The following APAF1 variants were observed in gnomAD, a reference collection of about 807,000 sequenced individuals.
APAF1 encodes the protein apoptotic protease-activating factor 1.
A neutral mutation model predicts 152.4 loss-of-function variants in APAF1; 91 were observed. The ratio of observed to expected loss-of-function variants is 0.60; its 90% CI spans 0.50 to 0.71. The LOEUF (loss-of-function observed/expected upper bound fraction) is 0.71. Ranked by LOEUF, APAF1 falls within the 30% of genes least tolerant of loss-of-function variation. The pLI is 0.00. For synonymous variants in APAF1, 484 were observed against 494.1 expected, an observed-to-expected ratio of 0.98 and a Z score of 0.27; for missense variants, 1,283 against 1,472.0, an observed-to-expected ratio of 0.87 and a Z score of 2.10.
intron 4 of APAF1, 122 bp from the exon 5 acceptor site, chr12:98,659,038 C>A: frequency 1.1e-6 from 1 of 949,556 alleles, no homozygotes; most frequent in East Asian, 2.4e-5. Flanking sequence ...TACTCTAAAT[C>A]AAGAGAAGTT....
intron 4 of APAF1, among the ~76,000 whole-genome samples, chr12:98,656,237 A>G (rs1007603816): frequency 1.3e-5 from 2 of 152,176 alleles, no homozygotes; most frequent in African/African-American, 2.4e-5. Flanking sequence ...ATCTTATCCT[A>G]GAGATAATCT....
intron 16 of APAF1, among the ~76,000 whole-genome samples, chr12:98,697,208 C>T (rs2097710872): frequency 6.6e-6 from 1 of 152,086 alleles, no homozygotes; most frequent in South Asian, 2.1e-4. Flanking sequence ...ATAGGCTAAT[C>T]TCAGGGAGTA....
intron 16 of APAF1, among the ~76,000 whole-genome samples, chr12:98,695,571 C>A (rs2097709005): frequency 6.6e-6 from 1 of 152,146 alleles, no homozygotes; most frequent in Admixed American, 6.5e-5. Context: ...ATGACTCTGG[C>A]CAGTTCTGAG....
intron 16 of APAF1, among the ~76,000 whole-genome samples, chr12:98,688,717 A>T (rs2288728): frequency 0.084 from 12,670 of 150,302 alleles, 713 homozygotes; most frequent in East Asian, 0.25. Context: ...GGCTCAAGCA[A>T]TCCCAGTGCT....
At chr12:98,658,018 C>G (rs1012304711) in intron 4 of APAF1, among the ~76,000 whole-genome samples, 2 of 152,078 alleles carry the variant, frequency 1.3e-5, no homozygotes, top group Admixed American at 1.3e-4. Context: ...TTTGTGAATA[C>G]CAGTAAATAA....
intron 4 of APAF1, among the ~76,000 whole-genome samples, chr12:98,655,152 TCACA>T: frequency 8.8e-6 from 1 of 114,190 alleles, no homozygotes; most frequent in Middle Eastern, 3.9e-3. Flanking sequence ...GGGGGTAAGG[TCACA>T]GATCAACAGG....
Position 98,662,700 on chromosome 12 carries a change from G to A in APAF1, c.849G>A (p.Glu283=). 1 of 1,613,176 alleles carries A rather than the reference G, an allele frequency of 6.2e-7. No homozygotes were observed. The highest frequency in any genetic ancestry group is 8.5e-7 in the Non-Finnish European group (1 of 1,179,628). ...VMGPKYVVPV[E]SSLGKEKGLE... ...GTCCTAAATATGTAGTCCCTGTGGA[G>A]AGTTCCTTAGGAAAGGAAAAAGGAC... is the stretch of plus-strand genomic sequence containing the variant. The change falls in exon 7 of 27, where the codon GAG becomes GAA. Residue 283 remains glutamate, a synonymous_variant. Transcript: ENST00000551964.
intron 10 of APAF1, among the ~76,000 whole-genome samples, chr12:98,669,395 C>A (rs142044358): frequency 4.8e-4 from 73 of 152,092 alleles, no homozygotes; most frequent in Non-Finnish European, 8.4e-4. Flanking sequence ...CAGAAAAAAA[C>A]GATGAAAAGG....
intron 14 of APAF1, among the ~76,000 whole-genome samples, chr12:98,682,553 G>A (rs2153324808): frequency 6.6e-6 from 1 of 152,290 alleles, no homozygotes; most frequent in East Asian, 1.9e-4. Flanking sequence ...GTTGAAAGCT[G>A]GGTTTCTCTC....
intron 16 of APAF1, among the ~76,000 whole-genome samples, chr12:98,695,399 C>T (rs1242381132): frequency 6.7e-6 from 1 of 148,972 alleles, no homozygotes; most frequent in Non-Finnish European, 1.5e-5. Context: ...CTCTGTCACA[C>T]AGGCTGGAGT....
At chr12:98,671,760 A>G in intron 12 of APAF1, 41 bp downstream of exon 12, 1 of 1,576,158 alleles carries the variant, frequency 6.3e-7, no homozygotes, top group South Asian at 1.1e-5. Flanking sequence ...GTGGTGCGCT[A>G]ACTATATCAT....
intron 12 of APAF1, among the ~76,000 whole-genome samples, chr12:98,676,805 C>G (rs942322866): frequency 6.6e-6 from 1 of 152,136 alleles, no homozygotes; most frequent in Admixed American, 6.5e-5. Context: ...TGCCACCACA[C>G]CCAGCTAATT....
In APAF1 at chr12:98,667,628, G is replaced by A. The variant is rs1349490636; in HGVS notation, c.1478G>A (p.Ser493Asn). 6 of 1,613,728 alleles carry A rather than the reference G, an allele frequency of 3.7e-6. No individual in the cohort carries two copies. The East Asian group carries it at 1.3e-4, about 36-fold the overall frequency. Residue 493 changes from serine (S) to asparagine (N), a missense_variant, in exon 10 of 27, where the codon AGT becomes AAT. Coordinates refer to ENST00000551964, the MANE Select transcript of APAF1 (RefSeq NM_181861.2). ...WYNFLAYHMASAKMHKELCAL... is the reference protein window; with the variant it reads ...WYNFLAYHMANAKMHKELCAL... ...AACTTTCTGGCCTATCACATGGCCAGTGCCAAGATGCACAAGGTAAGATGA... is the reference window on the plus strand; with the variant it reads ...AACTTTCTGGCCTATCACATGGCCAATGCCAAGATGCACAAGGTAAGATGA...
intron 24 of APAF1, among the ~76,000 whole-genome samples, 153 bp from the exon 25 acceptor site, chr12:98,725,262 G>A (rs1312066365): frequency 3.9e-5 from 6 of 152,196 alleles, no homozygotes; most frequent in Admixed American, 1.3e-4. Context: ...AATTAACAAG[G>A]TTGCATGCTG....
chr12:98,666,595 G>A (rs2097673058), intron 9 of APAF1, among the ~76,000 whole-genome samples: 1 of 152,068 alleles, frequency 6.6e-6, no homozygotes, highest in Non-Finnish European at 1.5e-5. Context: ...TTAGGATCCC[G>A]TATTGCATAT....
rs570521793 is a variant in APAF1 at position 98,714,375 on chromosome 12, C to G, written c.2959-1052C>G. 3.3e-5 allele frequency among the ~76,000 whole-genome samples: 5 copies of G among 152,348 alleles called. No homozygotes were observed. In the East Asian group the frequency reaches 9.6e-4, roughly 29 times the overall value. ...GTGGCAGTTTCATATGGTGTAGCCT[C>G]ATATCATCAAATAATAGCAACTACC... On this transcript the variant is annotated intron_variant, in intron 21 of 26. Transcript: ENST00000551964.
intron 16 of APAF1, among the ~76,000 whole-genome samples, chr12:98,697,266 C>G (rs1044452837): frequency 1.3e-5 from 2 of 152,162 alleles, no homozygotes; most frequent in East Asian, 3.8e-4. Flanking sequence ...AAGCCCTCAG[C>G]TTGAATATAG....
At chr12:98,691,045 A>G (rs1249420027) in intron 16 of APAF1, among the ~76,000 whole-genome samples, 3 of 152,112 alleles carry the variant, frequency 2.0e-5, no homozygotes, top group Non-Finnish European at 4.4e-5. Flanking sequence ...CGTCTCTACT[A>G]AAAATACAAA....
chr12:98,732,563 A>G lies in APAF1; in HGVS notation c.3744A>G (p.Glu1248=), dbSNP rs751718621. ...LGILYILQTL[E] ...TTTTATATATTTTACAGACTTTAGA[A>G]TAAAATAGTTAAGCATTAATGTAGT... is the stretch of plus-strand genomic sequence containing the variant. The change falls in exon 27 of 27, where the codon GAA becomes GAG. Residue 1248 remains glutamate, a synonymous_variant. Transcript: ENST00000551964. 1.3e-6 allele frequency: 2 copies of G among 1,555,420 alleles called. No individual in the cohort carries two copies. Among genetic ancestry groups the G allele is most frequent in the Non-Finnish European group, 1.8e-6 (2 of 1,128,302 alleles).
Sources: allele counts gnomAD v4.1 joint callset (sites outside exome capture counted in the v4.1 genomes callset), GRCh38; gene constraint gnomAD v4.1.1; transcripts MANE v1.5; gene names NCBI Gene and HGNC (gene_info 2026-07-23, HGNC 2026-07-21).